The following ABCC11 variants were observed in gnomAD, a reference collection of about 807,000 sequenced individuals.
ABCC11 encodes the protein ATP-binding cassette sub-family C member 11.
In ABCC11, 135 loss-of-function variants were observed where a neutral mutation model predicts 149.3. That is an observed-to-expected ratio of 0.90 (90% CI 0.79 to 1.04). ABCC11 has a LOEUF of 1.04. Ranked by LOEUF, ABCC11 falls within the 50% of genes least tolerant of loss-of-function variation. The pLI, the probability that ABCC11 is intolerant of heterozygous loss-of-function variation, is 0.00. For missense variants in ABCC11, 1,680 were observed against 1,722.1 expected (o/e 0.98, Z 0.43); for synonymous variants, 665 against 671.4 (o/e 0.99, Z 0.15).
chr16:48,173,207 T>C (rs1340855539), intron 26 of ABCC11, among the ~76,000 whole-genome samples: 1 of 152,166 alleles, frequency 6.6e-6, no homozygotes, highest in African/African-American at 2.4e-5. Context: ...TTCAGAGAGA[T>C]GCTTAAGGGT....
chr16:48,228,043 C>A, intron 3 of ABCC11, 79 bp from the exon 4 acceptor site: 1 of 1,219,216 alleles, frequency 8.2e-7, no homozygotes, highest in Admixed American at 3.1e-5. Context: ...TATTAAAACA[C>A]AACGAGGTTA....
intron 2 of ABCC11, among the ~76,000 whole-genome samples, chr16:48,231,140 G>A (rs1331153251): frequency 2.0e-5 from 3 of 152,084 alleles, no homozygotes; most frequent in Non-Finnish European, 2.9e-5. Flanking sequence ...CAATTGCTGC[G>A]TGTGATTGCC....
intron 22 of ABCC11, 74 bp from the exon 23 acceptor site, chr16:48,184,700 G>T: frequency 6.8e-7 from 1 of 1,463,446 alleles, no homozygotes. Flanking sequence ...GGTAGATACC[G>T]GCTGCTTCCT....
chr16:48,244,854 C>G (rs1198574830), intron 1 of ABCC11, among the ~76,000 whole-genome samples: 4 of 152,322 alleles, frequency 2.6e-5, no homozygotes, highest in Non-Finnish European at 5.9e-5. Flanking sequence ...CTACGCAGTT[C>G]CCTACCGTTC....
intron 6 of ABCC11, among the ~76,000 whole-genome samples, chr16:48,217,336 A>T (rs991680340): frequency 6.6e-6 from 1 of 152,124 alleles, no homozygotes; most frequent in African/African-American, 2.4e-5. Context: ...TATAAAAAGT[A>T]ACATTTGGCC....
chr16:48,228,903 C>CT (rs963567507), intron 3 of ABCC11, among the ~76,000 whole-genome samples: 217 of 143,588 alleles, frequency 1.5e-3, no homozygotes, highest in Admixed American at 1.5e-3. Context: ...CATTTTTCCA[C>CT]TTTTTTTTTT....
rs775424266 is a variant in ABCC11, at chr16:48,184,556, A to G, written c.3142T>C (p.Leu1048=). ...AGGTTGGTCATGATCTCCAGCCTCA[A>G]TGCCATCCATCGTGTGGAAGATAGA... ...LFLSSTRWMA[L]RLEIMTNLVT... Residue 1048 remains leucine (L), a synonymous_variant, in exon 23 of 30, where the codon TTG becomes CTG. Coordinates refer to ENST00000356608, the MANE Select transcript of ABCC11 (RefSeq NM_001370497.1). 3 of 1,614,264 alleles carry G rather than the reference A, an allele frequency of 1.9e-6. No homozygotes were observed. Among genetic ancestry groups the G allele is most frequent in the East Asian group, 2.2e-5 (1 of 44,886 alleles).
chr16:48,228,742 G>T (rs1319926451), intron 3 of ABCC11, among the ~76,000 whole-genome samples: 1 of 152,136 alleles, frequency 6.6e-6, no homozygotes, highest in African/African-American at 2.4e-5. Flanking sequence ...AAAGAAATAG[G>T]AAGAGAGGTC....
At chr16:48,229,579 C>T (rs1239560963) in intron 3 of ABCC11, among the ~76,000 whole-genome samples, 1 of 146,822 alleles carries the variant, frequency 6.8e-6, no homozygotes, top group Non-Finnish European at 1.5e-5. Context: ...ATTCTCCTGC[C>T]TCAGCCTCCT....
At chr16:48,245,991 CTGAA>C (rs1971360048) in intron 1 of ABCC11, among the ~76,000 whole-genome samples, 1 of 152,108 alleles carries the variant, frequency 6.6e-6, no homozygotes. Flanking sequence ...GTTCCTGACT[CTGAA>C]TGGATTTCCG....
At chr16:48,208,328 A>T in intron 12 of ABCC11, 97 bp downstream of exon 12, 1 of 1,327,080 alleles carries the variant, frequency 7.5e-7, no homozygotes, top group Non-Finnish European at 1.1e-6. Context: ...GACCCCTGTG[A>T]GGAAGAAAGC....
At chr16:48,237,126 ACT>A (rs1425675916) in intron 1 of ABCC11, among the ~76,000 whole-genome samples, 1 of 152,036 alleles carries the variant, frequency 6.6e-6, no homozygotes, top group Non-Finnish European at 1.5e-5. Context: ...CTTTGTTAAA[ACT>A]CTGGAAGCCT....
intron 1 of ABCC11, among the ~76,000 whole-genome samples, chr16:48,235,349 G>T (rs978171670): frequency 6.6e-6 from 1 of 152,210 alleles, no homozygotes; most frequent in African/African-American, 2.4e-5. Context: ...GACCTTGTCT[G>T]TCCTGTTCAC....
intron 15 of ABCC11, among the ~76,000 whole-genome samples, chr16:48,199,409 T>C (rs1239437706): frequency 6.6e-6 from 1 of 150,444 alleles, no homozygotes; most frequent in East Asian, 1.9e-4. Context: ...CAAAAAAAAA[T>C]AGTAAAGCAA....
Position 48,198,137 on chromosome 16 carries a change from T to C in ABCC11, c.2217+4A>G, listed in dbSNP as rs1037377085. The stretch of plus-strand genomic sequence containing the variant: ...GGTAGTGAGGGCAGTGGGGCAGGAC[T>C]CACCGAAGTGGCTTCCTTGTGCATC... On this transcript the variant is annotated splice_donor_region_variant and intron_variant, in intron 16 of 29. Transcript: ENST00000356608. 2 of 1,614,096 alleles carry C rather than the reference T, an allele frequency of 1.2e-6. No homozygotes were observed. Among genetic ancestry groups the C allele is most frequent in the African/African-American group, 1.3e-5 (1 of 74,942 alleles).
chr16:48,236,264 A>G (rs893739758), intron 1 of ABCC11, among the ~76,000 whole-genome samples: 1 of 152,180 alleles, frequency 6.6e-6, no homozygotes, highest in Non-Finnish European at 1.5e-5. Flanking sequence ...TCTTTGCATT[A>G]GTCCTAATAT....
At chr16:48,237,498 CA>C (rs1970745519) in intron 1 of ABCC11, among the ~76,000 whole-genome samples, 1 of 152,352 alleles carries the variant, frequency 6.6e-6, no homozygotes, top group Middle Eastern at 3.4e-3. Context: ...CTTGCCTGGA[CA>C]ACTGCAACCA....
chr16:48,197,936 TGCAG>T (rs1171003413), intron 17 of ABCC11, 31 bp downstream of exon 17: 1 of 1,608,082 alleles, frequency 6.2e-7, no homozygotes. Context: ...CAGGCAGGCA[TGCAG>T]ACATTCTTGT....
intron 18 of ABCC11, among the ~76,000 whole-genome samples, chr16:48,195,113 C>T (rs1246471064): frequency 3.9e-5 from 6 of 152,212 alleles, no homozygotes; most frequent in Non-Finnish European, 7.3e-5. Flanking sequence ...TCTATCCTTC[C>T]TTCAAGGGCT....
Sources: gnomAD v4.1 joint callset for allele counts (sites outside exome capture counted in the v4.1 genomes callset) on GRCh38, gnomAD v4.1.1 for gene constraint, MANE v1.5 for transcripts, NCBI Gene and HGNC (gene_info 2026-07-23, HGNC 2026-07-21) for gene names.